Variants in RORB observed in about 807,000 individuals in gnomAD.
The protein encoded by RORB is RAR related orphan receptor B, also known as nuclear receptor ROR-beta.
Under a neutral mutation model 59.1 loss-of-function variants are expected in RORB, and 6 were observed. That is an observed-to-expected ratio of 0.10 (90% CI 0.06 to 0.20). The LOEUF is 0.20. Ranked by LOEUF, RORB falls within the 10% of genes least tolerant of loss-of-function variation. The pLI is 1.00. For synonymous variants in RORB, 215 were observed against 204.5 expected (o/e 1.05, Z -0.44); for missense variants, 320 against 560.5 (o/e 0.57, Z 4.33).
intron 1 of RORB, among the ~76,000 whole-genome samples, chr9:74,580,349 G>T (rs558262122): frequency 6.6e-6 from 1 of 152,100 alleles, no homozygotes; most frequent in African/African-American, 2.4e-5. Flanking sequence ...ATGGTAATTT[G>T]CTAACCCAAT....
chr9:74,617,244 G>A (rs998141537), intron 1 of RORB, among the ~76,000 whole-genome samples: 2 of 152,138 alleles, frequency 1.3e-5, no homozygotes, highest in African/African-American at 4.8e-5. Flanking sequence ...TGGAACAACC[G>A]TAAGTATCTC....
At chr9:74,677,809 C>A (rs577346639) in intron 9 of RORB, among the ~76,000 whole-genome samples, 1 of 152,268 alleles carries the variant, frequency 6.6e-6, no homozygotes, top group East Asian at 1.9e-4. Context: ...ATAGCCACAG[C>A]TTTCATATTG....
At chr9:74,514,698 G>A (rs1037998439) in intron 1 of RORB, among the ~76,000 whole-genome samples, 7 of 148,714 alleles carry the variant, frequency 4.7e-5, no homozygotes, top group Admixed American at 2.0e-4. Context: ...TTATATATAC[G>A]TAAAATGAAT....
intron 1 of RORB, among the ~76,000 whole-genome samples, chr9:74,628,688 A>G (rs1823562483): frequency 6.6e-6 from 1 of 152,242 alleles, no homozygotes; most frequent in Non-Finnish European, 1.5e-5. Context: ...AGAGTGAGAA[A>G]CTGTAGAAAA....
intron 6 of RORB, among the ~76,000 whole-genome samples, chr9:74,665,145 T>C (rs1464623564): frequency 2.0e-5 from 3 of 152,222 alleles, no homozygotes. Context: ...CAAAAAGTAA[T>C]GTCCAGCTTA....
chr9:74,680,403 C>A (rs978826495), intron 9 of RORB, among the ~76,000 whole-genome samples: 1 of 152,106 alleles, frequency 6.6e-6, no homozygotes, highest in African/African-American at 2.4e-5. Context: ...TAGCTCTTGG[C>A]TCCTTAGGTT....
intron 1 of RORB, among the ~76,000 whole-genome samples, chr9:74,593,234 A>G (rs938178463): frequency 1.1e-4 from 17 of 152,170 alleles, no homozygotes; most frequent in African/African-American, 3.4e-4. Flanking sequence ...TGGGAGGCCA[A>G]GGCGGGTGGA....
intron 4 of RORB, among the ~76,000 whole-genome samples, chr9:74,659,269 G>A (rs577421114): frequency 1.3e-4 from 20 of 152,178 alleles, no homozygotes; most frequent in Non-Finnish European, 2.9e-4. Context: ...TATACCAGAA[G>A]CTTAGTGAGA....
chr9:74,632,093 C>G (rs1374730688), intron 2 of RORB, among the ~76,000 whole-genome samples: 5 of 152,036 alleles, frequency 3.3e-5, no homozygotes, highest in African/African-American at 9.7e-5. Flanking sequence ...TGTATAAGCT[C>G]TATTTGAAAA....
At chr9:74,563,564 T>C (rs1335452949) in intron 1 of RORB, among the ~76,000 whole-genome samples, 1 of 152,254 alleles carries the variant, frequency 6.6e-6, no homozygotes, top group African/African-American at 2.4e-5. Context: ...AAAGGCCAGT[T>C]ATTTAACTGA....
At chr9:74,634,978 C>T (rs1823678006) in intron 3 of RORB, among the ~76,000 whole-genome samples, 1 of 152,178 alleles carries the variant, frequency 6.6e-6, no homozygotes. Context: ...AAAGACTTTA[C>T]CATAGCTCAG....
chr9:74,513,889 C>A (rs1825975276), intron 1 of RORB, among the ~76,000 whole-genome samples: 1 of 151,936 alleles, frequency 6.6e-6, no homozygotes, highest in African/African-American at 2.4e-5. Flanking sequence ...ATTGTATATA[C>A]TATGTAATCT....
At chr9:74,572,403 T>C (rs975395171) in intron 1 of RORB, among the ~76,000 whole-genome samples, 8 of 152,128 alleles carry the variant, frequency 5.3e-5, no homozygotes, top group African/African-American at 1.9e-4. Flanking sequence ...TGAGCTTAGA[T>C]GACTGAGGAA....
chr9:74,654,945 A>G lies in RORB; in HGVS notation c.638-5672A>G, dbSNP rs12001234. Among the ~76,000 whole-genome samples, 659 of 152,364 alleles carry G rather than the reference A, an allele frequency of 4.3e-3. 5 individuals carry two copies. Among genetic ancestry groups the G allele is most frequent in the African/African-American group, 0.015 (640 of 41,586 alleles). ...GATTGTTCATGAAATTAACAAATAG[A>G]AAATGAGGAATGTGGATTTAATATT... is the stretch of plus-strand genomic sequence containing the variant. On this transcript the variant is annotated intron_variant, in intron 4 of 9. Transcript: ENST00000376896.
chr9:74,675,699 G>A (rs914120164), intron 9 of RORB, among the ~76,000 whole-genome samples: 2 of 152,208 alleles, frequency 1.3e-5, no homozygotes, highest in African/African-American at 4.8e-5. Flanking sequence ...AAAGCATACA[G>A]TGTGTGCAAA....
intron 3 of RORB, among the ~76,000 whole-genome samples, chr9:74,637,151 T>C (rs970210508): frequency 6.6e-6 from 1 of 152,164 alleles, no homozygotes. Context: ...CAAAGTGAGG[T>C]GCCCTCATAC....
At chr9:74,615,525 C>G in intron 1 of RORB, 1 of 410,580 alleles carries the variant, frequency 2.4e-6, no homozygotes, top group South Asian at 1.7e-5. Context: ...TGTGGGTTAA[C>G]GCAGGGGCAG....
chr9:74,544,093 A>G (rs1485918070), intron 1 of RORB, among the ~76,000 whole-genome samples: 1 of 152,252 alleles, frequency 6.6e-6, no homozygotes, highest in Admixed American at 6.5e-5. Context: ...CAGCAGACAC[A>G]ATACCTTTTC....
intron 4 of RORB, among the ~76,000 whole-genome samples, chr9:74,658,388 C>T (rs999935251): frequency 3.9e-5 from 6 of 152,270 alleles, no homozygotes; most frequent in African/African-American, 4.8e-5. Flanking sequence ...AACCTTCCCA[C>T]GTATTTATTG....
Sources: allele counts gnomAD v4.1 joint callset (sites outside exome capture counted in the v4.1 genomes callset), GRCh38; gene constraint gnomAD v4.1.1; transcripts MANE v1.5; gene names NCBI Gene and HGNC (gene_info 2026-07-23, HGNC 2026-07-21).